The following PRSS12 variants were observed in gnomAD, a reference collection of about 807,000 sequenced individuals.
PRSS12 encodes serine protease 12.
A neutral mutation model predicts 104.4 loss-of-function variants in PRSS12; 85 were observed. The ratio of observed to expected loss-of-function variants is 0.81; its 90% confidence interval spans 0.68 to 0.98. PRSS12 has a LOEUF of 0.98. Among genes scored for constraint, PRSS12 ranks in the 50% least tolerant of loss-of-function variants. The pLI, the probability that PRSS12 is intolerant of heterozygous loss-of-function variation, is 0.00. For missense variants in PRSS12, 1,141 were observed against 1,139.2 expected, an observed-to-expected ratio of 1.00 and a Z score of -0.02; for synonymous variants, 454 against 425.2, an observed-to-expected ratio of 1.07 and a Z score of -0.83.
Position 118,280,862 on chromosome 4 carries a change from C to G in PRSS12, c.*1074G>C, listed in dbSNP as rs1208506509. The G allele has an allele frequency of 6.6e-6, 1 of 152,224 alleles. No individual in the cohort carries two copies. The highest frequency in any genetic ancestry group is 6.5e-5 in the Admixed American group (1 of 15,290). The allele number at this position is 152,224 out of a possible 1,614,324, so 9.4% of individuals were successfully genotyped here. On this transcript the variant is annotated 3_prime_UTR_variant, in exon 13 of 13. Coordinates refer to ENST00000296498, the MANE Select transcript of PRSS12 (RefSeq NM_003619.4). ...CAACTGGTCTCACTTTGAGGCAAGC[C>G]TGTTTTCCCCCATTTGAAAACAAGG...
At chr4:118,284,110 A>G (rs913583277) in intron 11 of PRSS12, among the ~76,000 whole-genome samples, 7 of 152,196 alleles carry the variant, frequency 4.6e-5, no homozygotes, top group Admixed American at 2.6e-4. Context: ...TCTCAATCTC[A>G]GAACCTATTA....
At chr4:118,312,663 AG>A (rs1240091679) in intron 7 of PRSS12, among the ~76,000 whole-genome samples, 1 of 152,216 alleles carries the variant, frequency 6.6e-6, no homozygotes, top group African/African-American at 2.4e-5. Flanking sequence ...TAAAATAACA[AG>A]TTACACTAGA....
chr4:118,352,493 G>A lies in PRSS12; in HGVS notation c.228C>T (p.Arg76=), dbSNP rs756990491. The A allele has an allele frequency of 2.2e-6, 3 of 1,381,836 alleles. No homozygotes were observed. The highest frequency in any genetic ancestry group is 3.5e-5 in the South Asian group (2 of 57,768). The allele number at this position is 1,381,836 out of a possible 1,614,324, so 85.6% of individuals were successfully genotyped here. ...PRPPRALPAQ[R]PHALQAGHTP... The stretch of plus-strand genomic sequence containing the variant: ...TGTGCCCGGCCTGGAGGGCGTGCGG[G>A]CGCTGGGCAGGGAGCGCCCGCGGGG... The change falls in exon 1 of 13, where the codon CGC becomes CGT. Residue 76 remains arginine (R), a synonymous_variant. Coordinates refer to ENST00000296498, the MANE Select transcript of PRSS12 (RefSeq NM_003619.4).
intron 11 of PRSS12, among the ~76,000 whole-genome samples, chr4:118,286,277 C>G (rs1027532772): frequency 6.6e-6 from 1 of 152,144 alleles, no homozygotes; most frequent in African/African-American, 2.4e-5. Flanking sequence ...AAGAACTGGT[C>G]CTTGTTCCCC....
Position 118,352,930 on chromosome 4 carries a change from G to A in PRSS12, c.-210C>T, listed in dbSNP as rs879631617. On this transcript the variant is annotated 5_prime_UTR_variant, in exon 1 of 13. Coordinates refer to ENST00000296498, the MANE Select transcript of PRSS12 (RefSeq NM_003619.4). Reference sequence around the variant, plus strand: ...GCTCCTGTCCCCTGGCGGCGGCCGCGGGTGGGGAAATCTGGAGCTCAGCCG... The same window carrying A: ...GCTCCTGTCCCCTGGCGGCGGCCGCAGGTGGGGAAATCTGGAGCTCAGCCG... The A allele has an allele frequency of 1.5e-6, 2 of 1,298,176 alleles. No homozygotes were observed. Among genetic ancestry groups the A allele is most frequent in the Non-Finnish European group, 2.0e-6 (2 of 1,001,296 alleles). The allele number at this position is 1,298,176 out of a possible 1,614,324, so 80.4% of individuals were successfully genotyped here.
chr4:118,285,842 ACT>A (rs933823543), intron 11 of PRSS12, among the ~76,000 whole-genome samples: 1 of 151,690 alleles, frequency 6.6e-6, no homozygotes, highest in African/African-American at 2.4e-5. Context: ...ACAAGATTTC[ACT>A]CTGTTTTAAG....
chr4:118,298,890 T>C lies in PRSS12; in HGVS notation c.1680A>G (p.Gly560=), dbSNP rs1186307935. The change falls in exon 9 of 13, where the codon GGA becomes GGG. Residue 560 remains glycine (G), a synonymous_variant. Transcript: ENST00000296498. ...RTMAYFGEGK[G]PIHVDNVKCT... ...ACTTCACATTATCCACATGGATGGG[T>C]CCTTTTCCTTCTCCAAAGTAAGCCA... 7.4e-6 allele frequency: 12 copies of C among 1,614,052 alleles called. No individual in the cohort carries two copies. Among genetic ancestry groups the C allele is most frequent in the Admixed American group, 1.7e-5 (1 of 60,006 alleles).
In PRSS12 at chr4:118,282,095, T is replaced by C. The variant is rs1165161059; in HGVS notation, c.2469A>G (p.Gly823=). 1.9e-6 allele frequency: 3 copies of C among 1,614,156 alleles called. No individual in the cohort carries two copies. The highest frequency in any genetic ancestry group is 4.5e-5 in the East Asian group (2 of 44,884). ...HEHKRVDSCQ[G]DSGGPLMCER... ...CACACATGAGTGGTCCTCCGCTGTCTCCCTGGCAGCTGTCCACGCGTTTGT... is the reference window on the plus strand; with the variant it reads ...CACACATGAGTGGTCCTCCGCTGTCCCCCTGGCAGCTGTCCACGCGTTTGT... The change falls in exon 13 of 13, where the codon GGA becomes GGG. Residue 823 remains glycine (G), a synonymous_variant. Transcript: ENST00000296498.
At chr4:118,313,710 C>T (rs1203069503) in intron 6 of PRSS12, among the ~76,000 whole-genome samples, 1 of 152,156 alleles carries the variant, frequency 6.6e-6, no homozygotes, top group Non-Finnish European at 1.5e-5. Context: ...AAATTCCTGA[C>T]CATAGAAATT....
chr4:118,337,336 T>C (rs17516512), intron 2 of PRSS12, among the ~76,000 whole-genome samples: 11,490 of 152,186 alleles, frequency 0.075, 600 homozygotes, highest in Non-Finnish European at 0.11. Flanking sequence ...AAAAAACATA[T>C]GTTAAGTGCG....
intron 4 of PRSS12, among the ~76,000 whole-genome samples, chr4:118,328,210 A>C (rs1447081440): frequency 6.6e-6 from 1 of 152,222 alleles, no homozygotes; most frequent in Non-Finnish European, 1.5e-5. Context: ...GAGAACTATA[A>C]AATCAAGTGC....
chr4:118,291,975 T>C (rs756875441), intron 11 of PRSS12, among the ~76,000 whole-genome samples: 3 of 152,222 alleles, frequency 2.0e-5, no homozygotes, highest in Non-Finnish European at 4.4e-5. Flanking sequence ...GGAGGGAACT[T>C]GGAGGACCAG....
intron 11 of PRSS12, among the ~76,000 whole-genome samples, chr4:118,286,158 C>A (rs1157275874): frequency 6.6e-6 from 1 of 152,160 alleles, no homozygotes; most frequent in Non-Finnish European, 1.5e-5. Flanking sequence ...CCTCATGCTG[C>A]CGCCAGAGTG....
Position 118,281,946 on chromosome 4 carries a change from G to C in PRSS12, c.2618C>G (p.Thr873Ser). ...SAFVPWIKSV[T>S]KL Reference sequence around the variant, plus strand: ...AGTTTCCATGAAGAATTACAGTTTGGTGACACTTTTTATCCAAGGTACAAA... The same window carrying C: ...AGTTTCCATGAAGAATTACAGTTTGCTGACACTTTTTATCCAAGGTACAAA... The change falls in exon 13 of 13, where the codon ACC becomes AGC. Residue 873 changes from threonine to serine, a missense_variant. Transcript: ENST00000296498. 1 of 1,302,460 alleles carries C rather than the reference G, an allele frequency of 7.7e-7. No homozygotes were observed. Among genetic ancestry groups the C allele is most frequent in the Non-Finnish European group, 1.1e-6 (1 of 895,142 alleles). The allele number at this position is 1,302,460 out of a possible 1,614,324, so 80.7% of individuals were successfully genotyped here. A position where few individuals can be genotyped will look rare whatever the true frequency, so the allele number is the denominator to read the frequency against.
intron 11 of PRSS12, among the ~76,000 whole-genome samples, chr4:118,283,691 C>T (rs1455815861): frequency 6.6e-6 from 1 of 152,116 alleles, no homozygotes; most frequent in Non-Finnish European, 1.5e-5. Flanking sequence ...TACTTTGACA[C>T]CCTCGTATTT....
chr4:118,325,078 T>C (rs925386137), intron 4 of PRSS12, among the ~76,000 whole-genome samples: 9 of 152,070 alleles, frequency 5.9e-5, no homozygotes, highest in African/African-American at 7.2e-5. Context: ...TAATCCACCA[T>C]TGATGAGCAG....
At chr4:118,328,742 G>C (rs1723844900) in intron 4 of PRSS12, among the ~76,000 whole-genome samples, 1 of 152,054 alleles carries the variant, frequency 6.6e-6, no homozygotes. Context: ...TCCCACTTCA[G>C]CCTTCCTAGT....
chr4:118,348,481 T>C (rs1265073392), intron 1 of PRSS12, among the ~76,000 whole-genome samples: 1 of 152,196 alleles, frequency 6.6e-6, no homozygotes, highest in East Asian at 1.9e-4. Flanking sequence ...TAAATCACTT[T>C]GACTGCTCAA....
rs1743805478 is a variant in PRSS12, at chr4:118,313,287, C to T, written c.1403G>A (p.Arg468Gln). The T allele has an allele frequency of 1.2e-6, 2 of 1,613,950 alleles. No homozygotes were observed. The highest frequency in any genetic ancestry group is 2.2e-5 in the South Asian group (2 of 91,082). Residue 468 changes from arginine to glutamine, a missense_variant, in exon 7 of 13, where the codon CGA (arginine) becomes CAA (glutamine). Transcript: ENST00000296498. ...GCTGCAGTCATGCCTTCCCCACTGTCGCCTGGAACACTGAAGAAATCTGGT... is the reference window on the plus strand; with the variant it reads ...GCTGCAGTCATGCCTTCCCCACTGTTGCCTGGAACACTGAAGAAATCTGGT... ...KETRFLQCSRRQWGRHDCSHR... is the reference protein window; with the variant it reads ...KETRFLQCSRQQWGRHDCSHR...
Sources: gnomAD v4.1 joint callset for allele counts (sites outside exome capture counted in the v4.1 genomes callset) on GRCh38, gnomAD v4.1.1 for gene constraint, MANE v1.5 for transcripts, NCBI Gene and HGNC (gene_info 2026-07-23, HGNC 2026-07-21) for gene names.